MYOZ2: variants seen among roughly 807,000 people sequenced by gnomAD.
The protein encoded by MYOZ2 is myozenin 2.
MYOZ2 carries 19 observed loss-of-function variants against 25.4 expected under a neutral mutation model. The observed-to-expected ratio is 0.75, with a 90% CI of 0.52 to 1.10. The LOEUF (loss-of-function observed/expected upper bound fraction) is 1.10, where lower values mean the gene tolerates loss of function less well. Among genes scored for constraint, MYOZ2 ranks in the 50% least tolerant of loss-of-function variants. The pLI, the probability that MYOZ2 is intolerant of heterozygous loss-of-function variation, is 0.00. For missense variants in MYOZ2, 270 were observed against 317.9 expected (o/e 0.85, Z 1.15); for synonymous variants, 92 against 106.9 (o/e 0.86, Z 0.86).
intron 2 of MYOZ2, among the ~76,000 whole-genome samples, chr4:119,143,198 T>TC (rs915198105): frequency 1.3e-5 from 2 of 152,034 alleles, no homozygotes; most frequent in African/African-American, 4.8e-5. Context: ...TTTCTTTCTT[T>TC]TTTCTTTTTT....
chr4:119,174,174 G>A (rs964437366), intron 5 of MYOZ2, among the ~76,000 whole-genome samples: 5 of 152,252 alleles, frequency 3.3e-5, no homozygotes, highest in East Asian at 1.9e-4. Context: ...GAGTGCAAGC[G>A]CACGGCGCAG....
intron 2 of MYOZ2, among the ~76,000 whole-genome samples, chr4:119,143,102 C>A (rs1259373816): frequency 2.0e-5 from 3 of 152,090 alleles, no homozygotes; most frequent in African/African-American, 7.2e-5. Flanking sequence ...GGTCACAAAT[C>A]CCACCCATGA....
rs1365683005 is a variant in MYOZ2, at chr4:119,186,058, G to A, written c.653G>A (p.Arg218Lys). The A allele has an allele frequency of 6.2e-7, 1 of 1,613,944 alleles. No homozygotes were observed. The highest frequency in any genetic ancestry group is 1.1e-5 in the South Asian group (1 of 91,076). ...GAGCTACTATTGCTAACAGATCCCA[G>A]GTTTATGTCCTTTGTCAATCCCCTT... ...DFELLLLTDP[R>K]FMSFVNPLSG... The change falls in exon 6 of 6, where the codon AGG becomes AAG. Residue 218 changes from arginine (R) to lysine (K), a missense_variant. Arg to Lys is a conservative substitution (Grantham distance 26, BLOSUM62 2). Transcript: ENST00000307128.
At chr4:119,150,783 A>G in intron 2 of MYOZ2, 89 bp from the exon 3 acceptor site, 1 of 1,300,620 alleles carries the variant, frequency 7.7e-7, no homozygotes, top group Admixed American at 1.8e-5. Flanking sequence ...TGCAATTAGA[A>G]AGTGGTGGAA....
chr4:119,167,076 A>G (rs969090279), intron 5 of MYOZ2, among the ~76,000 whole-genome samples: 1 of 152,230 alleles, frequency 6.6e-6, no homozygotes, highest in African/African-American at 2.4e-5. Flanking sequence ...ATCAAAAGCT[A>G]GAAATGATTA....
chr4:119,181,287 C>T (rs797001098), intron 5 of MYOZ2, among the ~76,000 whole-genome samples: 1 of 152,190 alleles, frequency 6.6e-6, no homozygotes, highest in South Asian at 2.1e-4. Flanking sequence ...TCTATAATCT[C>T]TTCTTCCTTC....
intron 2 of MYOZ2, 136 bp downstream of exon 2, chr4:119,136,737 G>T (rs545790406): frequency 1.7e-4 from 158 of 916,188 alleles, no homozygotes; most frequent in Middle Eastern, 1.1e-3. Context: ...AGCTCTAGGG[G>T]GTGTAGAAAA....
rs1467392826 is a variant in MYOZ2, at chr4:119,151,172, T to A, written c.246+131T>A. On this transcript the variant is annotated intron_variant, in intron 3 of 5. Transcript: ENST00000307128. ...TTATTCTGTTAGGCTATTTTTTTTT[T>A]ATCATAATGAATAGTTTAGGTGGGT... The A allele has an allele frequency of 7.0e-6, 6 of 855,888 alleles. No individual in the cohort carries two copies. In the Admixed American group the frequency reaches 7.3e-5, roughly 10 times the overall value. 53.0% of individuals were successfully genotyped at this position (855,888 alleles called of 1,614,324 possible).
At chr4:119,166,591 T>TA (rs996964571) in intron 5 of MYOZ2, among the ~76,000 whole-genome samples, 2 of 152,092 alleles carry the variant, frequency 1.3e-5, no homozygotes, top group African/African-American at 4.8e-5. Context: ...GAAGTCCACT[T>TA]AAAAAACAAC....
intron 2 of MYOZ2, among the ~76,000 whole-genome samples, chr4:119,141,760 CAT>C (rs147070834): frequency 0.043 from 6,523 of 152,228 alleles, 305 homozygotes; most frequent in African/African-American, 0.12. Flanking sequence ...CTAAATAAAA[CAT>C]ATCATTTATC....
intron 5 of MYOZ2, among the ~76,000 whole-genome samples, chr4:119,173,966 A>G (rs1012237136): frequency 1.3e-5 from 2 of 152,212 alleles, no homozygotes; most frequent in Non-Finnish European, 2.9e-5. Context: ...GTCCCCCAGC[A>G]GTGCCAGCCC....
chr4:119,187,777 T>C lies in MYOZ2; in HGVS notation c.*1577T>C, dbSNP rs1351938916. The C allele has an allele frequency of 6.6e-6, 1 of 152,204 alleles. No individual in the cohort carries two copies. Among genetic ancestry groups the C allele is most frequent in the Non-Finnish European group, 1.5e-5 (1 of 68,034 alleles). The allele number at this position is 152,204 out of a possible 1,614,324, so 9.4% of individuals were successfully genotyped here. On this transcript the variant is annotated 3_prime_UTR_variant, in exon 6 of 6. Coordinates refer to ENST00000307128, the MANE Select transcript of MYOZ2 (RefSeq NM_016599.5). ...ATCTTTAAAAAATAAAAATTAGGCA[T>C]ATTAATTATGCATTTTGATGAAATG...
intron 3 of MYOZ2, among the ~76,000 whole-genome samples, chr4:119,151,691 G>A (rs1469628530): frequency 1.3e-5 from 2 of 152,190 alleles, no homozygotes; most frequent in Non-Finnish European, 2.9e-5. Context: ...AAAGTTGATA[G>A]TAGAAAGGCA....
intron 2 of MYOZ2, among the ~76,000 whole-genome samples, chr4:119,139,374 G>T (rs1402592112): frequency 6.6e-6 from 1 of 152,108 alleles, no homozygotes; most frequent in Non-Finnish European, 1.5e-5. Context: ...TATTGTAAAA[G>T]ACAAAAGATA....
At chr4:119,178,293 T>C (rs1742119174) in intron 5 of MYOZ2, among the ~76,000 whole-genome samples, 1 of 152,224 alleles carries the variant, frequency 6.6e-6, no homozygotes, top group South Asian at 2.1e-4. Flanking sequence ...CAGGCTGTGA[T>C]GGTATGCAGT....
chr4:119,164,328 C>A lies in MYOZ2; in HGVS notation c.494C>A (p.Ala165Asp). 6.2e-7 allele frequency: 1 copy of A among 1,614,054 alleles called. No individual in the cohort carries two copies. Among genetic ancestry groups the A allele is most frequent in the Non-Finnish European group, 8.5e-7 (1 of 1,179,954 alleles). ...AISNDPELLE[A>D]LYPKLFKPEG... ...AGCAATGATCCGGAGCTTTTAGAGG[C>A]TTTATATCCTAAACTTTTCAAGCCT... The change falls in exon 5 of 6, where the codon GCT (alanine) becomes GAT (aspartate). Residue 165 changes from alanine (A) to aspartate (D), a missense_variant. By Grantham distance (126) the Ala-to-Asp change is moderately radical (BLOSUM62 -2). Transcript: ENST00000307128.
intron 5 of MYOZ2, among the ~76,000 whole-genome samples, chr4:119,166,126 A>C (rs186635852): frequency 6.6e-6 from 1 of 152,228 alleles, no homozygotes; most frequent in Non-Finnish European, 1.5e-5. Flanking sequence ...ACATCAACGT[A>C]GAAATAAAAA....
intron 5 of MYOZ2, 57 bp downstream of exon 5, chr4:119,164,451 A>G (rs1011135293): frequency 3.2e-6 from 5 of 1,565,102 alleles, no homozygotes; most frequent in South Asian, 1.1e-5. Context: ...TTTTTTCATC[A>G]TGGTACAGAT....
intron 5 of MYOZ2, among the ~76,000 whole-genome samples, 168 bp from the exon 6 acceptor site, chr4:119,185,798 T>A (rs1228720690): frequency 6.6e-6 from 1 of 152,192 alleles, no homozygotes; most frequent in Admixed American, 6.5e-5. Context: ...GTAGAAATGC[T>A]TGCCTCAGAG....
Sources: allele counts gnomAD v4.1 joint callset (sites outside exome capture counted in the v4.1 genomes callset), GRCh38; gene constraint gnomAD v4.1.1; transcripts MANE v1.5; gene names NCBI Gene and HGNC (gene_info 2026-07-23, HGNC 2026-07-21).